The following CA1 variants were observed in gnomAD, a reference collection of about 807,000 sequenced individuals.
CA1 encodes the protein carbonic anhydrase 1, also known as carbonate dehydratase I.
A neutral mutation model predicts 28.8 loss-of-function variants in CA1; 27 were observed. The ratio of observed to expected loss-of-function variants is 0.94; its 90% CI spans 0.69 to 1.29. CA1 has a LOEUF of 1.29. Among genes scored for constraint, CA1 ranks in the 50% most tolerant of loss-of-function variants. The pLI is 0.00. For synonymous variants in CA1, 121 were observed against 108.8 expected, an observed-to-expected ratio of 1.11 and a Z score of -0.70; for missense variants, 335 against 310.5, an observed-to-expected ratio of 1.08 and a Z score of -0.59.
chr8:85,329,682 A>G lies in CA1; in HGVS notation c.669+7T>C, dbSNP rs764369610. The G allele has an allele frequency of 6.8e-6, 11 of 1,608,850 alleles. No individual in the cohort carries two copies. The highest frequency in any genetic ancestry group is 2.2e-5 in the East Asian group (1 of 44,694). ...CATTCCCAGTTCCCATTCATTCACA[A>G]CTCTACCTGCTCTGAGCTGACACTG... On this transcript the variant is annotated splice_region_variant and intron_variant, in intron 7 of 7. Transcript: ENST00000523022.
intron 1 of CA1, among the ~76,000 whole-genome samples, chr8:85,344,548 T>C (rs1267091066): frequency 6.6e-6 from 1 of 151,750 alleles, no homozygotes; most frequent in African/African-American, 2.4e-5. Context: ...ATTTTAACTT[T>C]TGTTCTTCTA....
At chr8:85,355,900 C>CT (rs2130315068) in intron 1 of CA1, among the ~76,000 whole-genome samples, 1 of 151,942 alleles carries the variant, frequency 6.6e-6, no homozygotes, top group South Asian at 2.1e-4. Flanking sequence ...CCTGCCATGA[C>CT]TTTCTTGGCT....
In CA1 at chr8:85,338,244, C is replaced by G. The variant is rs1327056228; in HGVS notation, c.235+8G>C. 6.2e-7 allele frequency: 1 copy of G among 1,609,394 alleles called. No individual in the cohort carries two copies. Among genetic ancestry groups the G allele is most frequent in the Non-Finnish European group, 8.5e-7 (1 of 1,175,720 alleles). ...AGAAAAAAATATCAGAAGGGTCTTT[C>G]AGCTCACCTGATCGGTTATCGTTGT... is the stretch of plus-strand genomic sequence containing the variant. On this transcript the variant is annotated splice_region_variant and intron_variant, in intron 3 of 7. Coordinates refer to ENST00000523022, the MANE Select transcript of CA1 (RefSeq NM_001128831.4).
At chr8:85,375,785 G>A (rs1333283690) in intron 1 of CA1, among the ~76,000 whole-genome samples, 1 of 152,170 alleles carries the variant, frequency 6.6e-6, no homozygotes. Flanking sequence ...ATAGAATGGT[G>A]GATGTAGGTG....
chr8:85,357,669 C>T (rs758159487), intron 1 of CA1, among the ~76,000 whole-genome samples: 39 of 152,242 alleles, frequency 2.6e-4, no homozygotes, highest in Non-Finnish European at 4.6e-4. Flanking sequence ...GGGGCAAGGC[C>T]CCAAAGCTTT....
In CA1 at chr8:85,344,195, T is replaced by TTA. The variant is rs554412795; in HGVS notation, c.-24-2538_-24-2537dup. Among the ~76,000 whole-genome samples, 455 of 111,154 alleles carry TTA rather than the reference T, an allele frequency of 4.1e-3. 7 individuals carry two copies. The highest frequency in any genetic ancestry group is 0.011 in the African/African-American group (208 of 19,136). The allele number at this position is 111,154 out of a possible 152,430, so 72.9% of individuals were successfully genotyped here. ...ACTGTATATAATATATAATTATATA[T>TTA]TATACAGTATATAATATAATTATAT... On this transcript the variant is annotated intron_variant, in intron 1 of 7. Coordinates refer to ENST00000523022, the MANE Select transcript of CA1 (RefSeq NM_001128831.4).
chr8:85,362,011 C>A (rs775543554), intron 1 of CA1, among the ~76,000 whole-genome samples: 1 of 152,166 alleles, frequency 6.6e-6, no homozygotes, highest in Non-Finnish European at 1.5e-5. Context: ...CAAATTTATT[C>A]TCCTGACACT....
intron 1 of CA1, among the ~76,000 whole-genome samples, chr8:85,371,925 C>T (rs1165739977): frequency 6.6e-6 from 1 of 152,086 alleles, no homozygotes; most frequent in African/African-American, 2.4e-5. Context: ...CCATTAAACA[C>T]CAAGTATATG....
chr8:85,371,319 G>A (rs1170088215), intron 1 of CA1, among the ~76,000 whole-genome samples: 1 of 152,036 alleles, frequency 6.6e-6, no homozygotes, highest in East Asian at 1.9e-4. Context: ...GGCTTTCTAG[G>A]TCTGTTAATC....
In CA1 at chr8:85,327,636, G is replaced by GT. The variant is rs758021544; in HGVS notation, c.*923dup. ...ATCGCACTCCACCCTGACTGGCAGA[G>GT]TGAGACCTTGTCTCAAAAAACAAAC... On this transcript the variant is annotated 3_prime_UTR_variant, in exon 8 of 8. Coordinates refer to ENST00000523022, the MANE Select transcript of CA1 (RefSeq NM_001128831.4). The GT allele has an allele frequency of 6.6e-6, 1 of 152,170 alleles. No individual in the cohort carries two copies. Among genetic ancestry groups the GT allele is most frequent in the Non-Finnish European group, 1.5e-5 (1 of 68,096 alleles). The allele number at this position is 152,170 out of a possible 1,614,324, so 9.4% of individuals were successfully genotyped here.
chr8:85,343,490 A>G (rs1809009250), intron 1 of CA1, among the ~76,000 whole-genome samples: 1 of 152,204 alleles, frequency 6.6e-6, no homozygotes, highest in African/African-American at 2.4e-5. Flanking sequence ...GATGACCAAG[A>G]GTCAGGCTTC....
chr8:85,362,186 G>A (rs937141825), intron 1 of CA1, among the ~76,000 whole-genome samples: 51 of 152,074 alleles, frequency 3.4e-4, no homozygotes, highest in African/African-American at 1.2e-3. Flanking sequence ...TCCTCAAAGC[G>A]AGCAGTATAA....
chr8:85,345,949 A>G (rs1809167198), intron 1 of CA1, among the ~76,000 whole-genome samples: 1 of 152,184 alleles, frequency 6.6e-6, no homozygotes, highest in Non-Finnish European at 1.5e-5. Flanking sequence ...TCAAAAATCC[A>G]TCACTTTTAT....
At chr8:85,332,457 C>A (rs781594077) in intron 6 of CA1, 33 bp downstream of exon 6, 6 of 1,507,330 alleles carry the variant, frequency 4.0e-6, no homozygotes, top group South Asian at 1.1e-5. Flanking sequence ...AATTCTTGTT[C>A]TCTGATTTAA....
At chr8:85,350,909 C>T (rs1809385431) in intron 1 of CA1, among the ~76,000 whole-genome samples, 1 of 152,072 alleles carries the variant, frequency 6.6e-6, no homozygotes, top group Non-Finnish European at 1.5e-5. Context: ...ATTGGTAATT[C>T]CTAGGGGTGC....
Position 85,338,763 on chromosome 8 carries a change from G to A in CA1, c.38-314C>T, listed in dbSNP as rs77047022. ...GAGTCTTGCTCTGTCACCCAGGCTG[G>A]AGTGCAGTGATGCGCTCTTGGCTCA... On this transcript the variant is annotated intron_variant, in intron 2 of 7. Coordinates refer to ENST00000523022, the MANE Select transcript of CA1 (RefSeq NM_001128831.4). Among the ~76,000 whole-genome samples the A allele has an allele frequency of 7.7e-3, 1,105 of 143,470 alleles. 14 individuals carry two copies. The highest frequency in any genetic ancestry group is 0.027 in the African/African-American group (1,040 of 38,276). The allele number at this position is 143,470 out of a possible 152,430, so 94.1% of individuals were successfully genotyped here. A position where few individuals can be genotyped will look rare whatever the true frequency, so the allele number is the denominator to read the frequency against.
At chr8:85,347,588 A>G (rs936953998) in intron 1 of CA1, among the ~76,000 whole-genome samples, 1 of 152,146 alleles carries the variant, frequency 6.6e-6, no homozygotes, top group Non-Finnish European at 1.5e-5. Flanking sequence ...GTTCACTCCA[A>G]ACAGACATCA....
chr8:85,333,027 T>C lies in CA1; in HGVS notation c.451-475A>G, dbSNP rs529007821. ...TCATAGAACTTTTCAGGGATTCTTC[T>C]ATAGAGGATTTGAGCAACATCTCCC... On this transcript the variant is annotated intron_variant, in intron 5 of 7. Coordinates refer to ENST00000523022, the MANE Select transcript of CA1 (RefSeq NM_001128831.4). Among the ~76,000 whole-genome samples, 6 of 152,292 alleles carry C rather than the reference T, an allele frequency of 3.9e-5. No homozygotes were observed. In the South Asian group the frequency reaches 1.2e-3, roughly 32 times the overall value.
Position 85,341,627 on chromosome 8 carries a change from A to G in CA1, c.9T>C (p.Ser3=), listed in dbSNP as rs1808937573. 1.9e-6 allele frequency: 3 copies of G among 1,596,348 alleles called. No homozygotes were observed. The South Asian group carries it at 3.3e-5, about 18-fold the overall frequency. Residue 3 remains serine (S), a synonymous_variant, in exon 2 of 8, where the codon AGT becomes AGC. Coordinates refer to ENST00000523022, the MANE Select transcript of CA1 (RefSeq NM_001128831.4). The part of the protein sequence containing the change: MA[S]PDWGYDDKNG... The stretch of plus-strand genomic sequence containing the variant: ...TTTTGTCATCATATCCCCAGTCTGG[A>G]CTTGCCATTATCTTCTACTGAGTTT...
Sources: allele counts gnomAD v4.1 joint callset (sites outside exome capture counted in the v4.1 genomes callset), GRCh38; gene constraint gnomAD v4.1.1; transcripts MANE v1.5; gene names NCBI Gene and HGNC (gene_info 2026-07-23, HGNC 2026-07-21).